Variants in PEX1 observed in about 807,000 individuals in gnomAD.
The protein encoded by PEX1 is peroxisomal ATPase PEX1.
Under a neutral mutation model 152.5 loss-of-function variants are expected in PEX1, and 97 were observed. That is an observed-to-expected ratio of 0.64 (90% CI 0.54 to 0.75). The LOEUF is 0.75. Among genes scored for constraint, PEX1 ranks in the 30% least tolerant of loss-of-function variants. PEX1 has a pLI of 0.00. For synonymous variants in PEX1, 485 were observed against 531.6 expected, an observed-to-expected ratio of 0.91 and a Z score of 1.21; for missense variants, 1,357 against 1,516.3, an observed-to-expected ratio of 0.89 and a Z score of 1.74.
chr7:92,496,832 T>C, intron 16 of PEX1, 55 bp from the exon 17 acceptor site: 1 of 1,183,016 alleles, frequency 8.5e-7, no homozygotes, highest in South Asian at 1.2e-5. Flanking sequence ...AATATAAATT[T>C]GGTTTCTGAC....
In PEX1 at chr7:92,511,148, T is replaced by TC. The variant is rs1792444188; in HGVS notation, c.1484-102_1484-101insG. The TC allele has an allele frequency of 5.7e-6, 4 of 699,778 alleles. No homozygotes were observed. The African/African-American group carries it at 7.2e-5, about 13-fold the overall frequency. 43.3% of individuals were successfully genotyped at this position (699,778 alleles called of 1,614,324 possible). ...ATTTATTTAAGTTAAAGACTTTTTT[T>TC]TTTTTCCCCCCAACAGGGTCTCACT... On this transcript the variant is annotated intron_variant, in intron 7 of 23. Transcript: ENST00000248633.
intron 21 of PEX1, among the ~76,000 whole-genome samples, 187 bp downstream of exon 21, chr7:92,491,085 T>C (rs529931058): frequency 6.6e-6 from 1 of 152,330 alleles, no homozygotes; most frequent in East Asian, 1.9e-4. Flanking sequence ...CTCCCAGCCC[T>C]GTCTTGAAAA....
rs138905930 is a variant in PEX1, at chr7:92,517,438, C to A, written c.1077G>T (p.Lys359Asn). ...KQNVLSPEKE[K>N]QMSEPLDQKK... is the part of the protein sequence containing the mutation. ...TTTGATCTAGTGGCTCTGACATCTG[C>A]TTCTCTTTTTCAGGTGATAACACAT... is the stretch of plus-strand genomic sequence containing the variant. The change falls in exon 5 of 24, where the codon AAG becomes AAT. Residue 359 changes from lysine (K) to asparagine (N), a missense_variant. Lys to Asn is a moderately conservative substitution (Grantham distance 94, BLOSUM62 0). Coordinates refer to ENST00000248633, the MANE Select transcript of PEX1 (RefSeq NM_000466.3). 33 of 1,613,776 alleles carry A rather than the reference C, an allele frequency of 2.0e-5. No individual in the cohort carries two copies. In the African/African-American group the frequency reaches 4.4e-4, roughly 22 times the overall value.
At chr7:92,522,575 C>T (rs1000662911) in intron 1 of PEX1, among the ~76,000 whole-genome samples, 8 of 152,058 alleles carry the variant, frequency 5.3e-5, no homozygotes, top group Non-Finnish European at 1.0e-4. Flanking sequence ...TCCCAATTAA[C>T]GATTCAAAGA....
chr7:92,500,114 A>G (rs1791854757), intron 15 of PEX1, among the ~76,000 whole-genome samples: 1 of 152,254 alleles, frequency 6.6e-6, no homozygotes, highest in Non-Finnish European at 1.5e-5. Context: ...TTTTATTAAA[A>G]GTACTACATT....
chr7:92,524,784 G>T (rs1226349970), intron 1 of PEX1, among the ~76,000 whole-genome samples: 1 of 152,094 alleles, frequency 6.6e-6, no homozygotes, highest in Non-Finnish European at 1.5e-5. Context: ...CCTAGATTTG[G>T]AATCAAAAGT....
intron 15 of PEX1, among the ~76,000 whole-genome samples, 176 bp downstream of exon 15, chr7:92,501,331 T>C (rs1791913002): frequency 6.6e-6 from 1 of 151,616 alleles, no homozygotes; most frequent in Non-Finnish European, 1.5e-5. Context: ...AAAAATTAAT[T>C]AATAAAATTA....
At chr7:92,511,442 C>T in intron 7 of PEX1, 138 bp downstream of exon 7, 3 of 766,398 alleles carry the variant, frequency 3.9e-6, no homozygotes, top group Non-Finnish European at 4.2e-6. Flanking sequence ...TTTTTCAATA[C>T]ATAAAAACTA....
chr7:92,514,017 A>AGAAATATTTATGCTAT, intron 5 of PEX1, 50 bp from the exon 6 acceptor site: 11 of 1,222,298 alleles, frequency 9.0e-6, no homozygotes, highest in African/African-American at 1.5e-5. Flanking sequence ...AGCTTGGTTA[A>AGAAATATTTATGCTAT]GAAATATTTC....
chr7:92,518,284 C>T (rs760818226), intron 3 of PEX1, 29 bp from the exon 4 acceptor site: 2 of 1,372,352 alleles, frequency 1.5e-6, no homozygotes, highest in Non-Finnish European at 2.1e-6. Context: ...AAGATCAATT[C>T]ACTTTACATT....
At chr7:92,520,804 A>G (rs1040178242) in intron 2 of PEX1, among the ~76,000 whole-genome samples, 1 of 152,240 alleles carries the variant, frequency 6.6e-6, no homozygotes. Flanking sequence ...ATACATGGAA[A>G]GGTATCTGAA....
In PEX1 at chr7:92,496,672, AAC is replaced by A. The variant is rs780373622; in HGVS notation, c.2783+39_2783+40del. On this transcript the variant is annotated intron_variant, in intron 17 of 23. Coordinates refer to ENST00000248633, the MANE Select transcript of PEX1 (RefSeq NM_000466.3). Reference sequence around the variant, plus strand: ...AAAAAAGCACTGATTGATAAATAATAACAGAGTCAGTTACTTTAAAAACATTC... The same window carrying A: ...AAAAAAGCACTGATTGATAAATAATAAGAGTCAGTTACTTTAAAAACATTC... The A allele has an allele frequency of 3.1e-5, 40 of 1,273,946 alleles. No individual in the cohort carries two copies. The South Asian group carries it at 3.4e-4, about 11-fold the overall frequency. The allele number at this position is 1,273,946 out of a possible 1,614,324, so 78.9% of individuals were successfully genotyped here.
At chr7:92,516,055 A>AAAAAGAAAAGAAAAG (rs58641640) in intron 5 of PEX1, among the ~76,000 whole-genome samples, 59 of 85,786 alleles carry the variant, frequency 6.9e-4, no homozygotes, top group African/African-American at 1.8e-3. Context: ...AGAGAAGAGA[A>AAAAAGAAAAGAAAAG]AAAAGAAAAG....
At chr7:92,510,143 C>CAAA (rs35337329) in intron 8 of PEX1, among the ~76,000 whole-genome samples, 1 of 137,966 alleles carries the variant, frequency 7.2e-6, no homozygotes. Context: ...GACTCCATCT[C>CAAA]AAAAAAAAAA....
chr7:92,517,152 C>T (rs1387669005), intron 5 of PEX1, 124 bp downstream of exon 5: 2 of 788,378 alleles, frequency 2.5e-6, no homozygotes, highest in East Asian at 5.3e-5. Flanking sequence ...CCCCCAAGTG[C>T]CTTTAGGCAC....
chr7:92,492,939 C>A lies in PEX1; in HGVS notation c.3207+14G>T, dbSNP rs1456695265. On this transcript the variant is annotated intron_variant, in intron 20 of 23. Transcript: ENST00000248633. Reference sequence around the variant, plus strand: ...ACTCATAAAATGTCATAACAACTTCCTCATATAACTTGCCTGGAGTCCACT... The same window carrying A: ...ACTCATAAAATGTCATAACAACTTCATCATATAACTTGCCTGGAGTCCACT... 2 of 1,601,636 alleles carry A rather than the reference C, an allele frequency of 1.2e-6. No individual in the cohort carries two copies. The highest frequency in any genetic ancestry group is 2.2e-5 in the South Asian group (2 of 90,784).
At chr7:92,499,945 C>T (rs527903237) in intron 15 of PEX1, 107 bp from the exon 16 acceptor site, 15 of 817,756 alleles carry the variant, frequency 1.8e-5, no homozygotes, top group Admixed American at 9.4e-5. Flanking sequence ...ATGGTAATCA[C>T]GACCATCTTT....
intron 16 of PEX1, among the ~76,000 whole-genome samples, chr7:92,499,191 AC>A (rs1479357249): frequency 6.6e-6 from 1 of 152,192 alleles, no homozygotes; most frequent in Non-Finnish European, 1.5e-5. Context: ...TTACCCTAAG[AC>A]CCAAGAATTC....
At chr7:92,524,293 A>C (rs1793173507) in intron 1 of PEX1, among the ~76,000 whole-genome samples, 1 of 138,512 alleles carries the variant, frequency 7.2e-6, no homozygotes, top group Non-Finnish European at 1.5e-5. Flanking sequence ...CTTGAGACGG[A>C]GACTCACTCT....
Sources: gnomAD v4.1 joint callset for allele counts (sites outside exome capture counted in the v4.1 genomes callset) on GRCh38, gnomAD v4.1.1 for gene constraint, MANE v1.5 for transcripts, NCBI Gene and HGNC (gene_info 2026-07-23, HGNC 2026-07-21) for gene names.